The following TYW1B variants were observed in gnomAD, a reference collection of about 807,000 sequenced individuals.
TYW1B encodes the protein tRNA-yW synthesizing protein 1 homolog B.
In TYW1B, 73 loss-of-function variants were observed where a neutral mutation model predicts 86.9. The observed-to-expected ratio is 0.84, with a 90% CI of 0.70 to 1.02. The LOEUF is 1.02. Ranked by LOEUF, TYW1B falls within the 50% of genes least tolerant of loss-of-function variation. The pLI, the probability that TYW1B is intolerant of heterozygous loss-of-function variation, is 0.00. For synonymous variants in TYW1B, 248 were observed against 292.8 expected, an observed-to-expected ratio of 0.85 and a Z score of 1.56; for missense variants, 637 against 827.4, an observed-to-expected ratio of 0.77 and a Z score of 2.82.
At chr7:72,685,739 C>T (rs1261444474) in intron 11 of TYW1B, among the ~76,000 whole-genome samples, 1 of 151,980 alleles carries the variant, frequency 6.6e-6, no homozygotes, top group Non-Finnish European at 1.5e-5. Context: ...TCTAGATGAC[C>T]CTGGATTTGG....
intron 11 of TYW1B, 138 bp downstream of exon 11, chr7:72,694,549 G>A (rs1416587306): frequency 4.8e-6 from 6 of 1,254,786 alleles, no homozygotes; most frequent in Admixed American, 3.5e-5. Context: ...AAAGTTGAAC[G>A]CTATATTTCA....
intron 9 of TYW1B, among the ~76,000 whole-genome samples, chr7:72,720,746 T>C (rs1299692639): frequency 6.6e-6 from 1 of 152,116 alleles, no homozygotes; most frequent in Non-Finnish European, 1.5e-5. Context: ...AGCCTCTAAA[T>C]TTCTTTATTA....
chr7:72,621,836 T>A (rs1812225137), intron 12 of TYW1B, among the ~76,000 whole-genome samples: 1 of 152,242 alleles, frequency 6.6e-6, no homozygotes, highest in Non-Finnish European at 1.5e-5. Context: ...GTAACAGGTA[T>A]GAACCAGCTG....
intron 13 of TYW1B, among the ~76,000 whole-genome samples, chr7:72,614,083 CA>C (rs1242731009): frequency 6.6e-6 from 1 of 151,980 alleles, no homozygotes; most frequent in African/African-American, 2.4e-5. Context: ...AGCAAGAGAA[CA>C]AGCAAATGGC....
chr7:72,616,541 T>C lies in TYW1B; in HGVS notation c.1785+131A>G. ...GCAGACAGAATTTAGTGCTTTCTTA[T>C]TTTTGTTTTGGGAAAGGTAGCAAGC... On this transcript the variant is annotated intron_variant, in intron 13 of 13. Coordinates refer to ENST00000620995, the MANE Select transcript of TYW1B (RefSeq NM_001145440.3). 3 of 1,404,014 alleles carry C rather than the reference T, an allele frequency of 2.1e-6. No homozygotes were observed. The South Asian group carries it at 3.8e-5, about 18-fold the overall frequency. 87.0% of individuals were successfully genotyped at this position (1,404,014 alleles called of 1,614,324 possible). A position where few individuals can be genotyped will look rare whatever the true frequency, so the allele number is the denominator to read the frequency against.
intron 7 of TYW1B, among the ~76,000 whole-genome samples, chr7:72,749,090 A>G (rs1237051131): frequency 6.6e-6 from 1 of 152,198 alleles, no homozygotes; most frequent in Non-Finnish European, 1.5e-5. Context: ...TTTTAATTAC[A>G]AAATCAGTTT....
intron 7 of TYW1B, among the ~76,000 whole-genome samples, chr7:72,755,653 G>A (rs1787574341): frequency 6.6e-6 from 1 of 152,226 alleles, no homozygotes; most frequent in Non-Finnish European, 1.5e-5. Context: ...GACAGAGTGA[G>A]CCTGTCTCAA....
intron 6 of TYW1B, among the ~76,000 whole-genome samples, chr7:72,789,102 A>T (rs1788176551): frequency 6.6e-6 from 1 of 151,916 alleles, no homozygotes; most frequent in African/African-American, 2.4e-5. Context: ...AAGTGCTGAG[A>T]TTACAGGAAT....
intron 11 of TYW1B, among the ~76,000 whole-genome samples, chr7:72,636,978 A>G (rs1229659608): frequency 1.3e-5 from 2 of 152,116 alleles, no homozygotes; most frequent in Non-Finnish European, 2.9e-5. Context: ...GGAGTTTGAG[A>G]CCAGCCTCAC....
intron 6 of TYW1B, among the ~76,000 whole-genome samples, chr7:72,792,055 C>T (rs1389107025): frequency 1.3e-5 from 2 of 152,074 alleles, no homozygotes; most frequent in African/African-American, 4.8e-5. Context: ...TCAGGCCAGG[C>T]GCAGTGGCTC....
At chr7:72,632,408 T>TACGTATATATATAAAATATATAC (rs1563038799) in intron 11 of TYW1B, among the ~76,000 whole-genome samples, 1 of 113,728 alleles carries the variant, frequency 8.8e-6, no homozygotes, top group African/African-American at 4.1e-5. Context: ...ATAATATATA[T>TACGTATATATATAAAATATATAC]ATACATATAT....
chr7:72,634,373 G>T (rs1554440461), intron 11 of TYW1B, among the ~76,000 whole-genome samples: 1 of 139,068 alleles, frequency 7.2e-6, no homozygotes, highest in Non-Finnish European at 1.5e-5. Context: ...TTTTTCTGTA[G>T]AGACAGGCTC....
At chr7:72,621,055 G>C (rs1389182544) in intron 12 of TYW1B, among the ~76,000 whole-genome samples, 1 of 152,174 alleles carries the variant, frequency 6.6e-6, no homozygotes, top group African/African-American at 2.4e-5. Flanking sequence ...GGCTATCTGA[G>C]CGTTCAAACC....
intron 8 of TYW1B, among the ~76,000 whole-genome samples, chr7:72,738,088 CTTTT>C (rs60979976): frequency 7.8e-6 from 1 of 127,934 alleles, no homozygotes; most frequent in African/African-American, 3.0e-5. Context: ...TTCTTTCTTT[CTTTT>C]TTTTTTTTTG....
chr7:72,771,608 T>G (rs782183038), intron 7 of TYW1B, among the ~76,000 whole-genome samples: 1 of 152,024 alleles, frequency 6.6e-6, no homozygotes, highest in Non-Finnish European at 1.5e-5. Flanking sequence ...GCTTCACCCC[T>G]GAGTGGCTCC....
chr7:72,623,126 C>T (rs1353265744), intron 12 of TYW1B, among the ~76,000 whole-genome samples: 4 of 152,172 alleles, frequency 2.6e-5, no homozygotes, highest in African/African-American at 9.7e-5. Context: ...ATGTTAGAAA[C>T]CTTCCTCAAA....
intron 6 of TYW1B, 43 bp from the exon 7 acceptor site, chr7:72,777,576 C>T: frequency 3.1e-6 from 5 of 1,608,610 alleles, no homozygotes; most frequent in African/African-American, 1.3e-5. Flanking sequence ...TGGCAATGTG[C>T]AATGTAAATA....
chr7:72,731,728 G>A (rs538064001), intron 8 of TYW1B, among the ~76,000 whole-genome samples: 13 of 152,246 alleles, frequency 8.5e-5, no homozygotes, highest in African/African-American at 2.9e-4. Flanking sequence ...GGGATCACGA[G>A]GTCAGGAGTT....
intron 10 of TYW1B, among the ~76,000 whole-genome samples, chr7:72,703,779 C>T (rs549799282): frequency 1.3e-5 from 2 of 150,722 alleles, no homozygotes; most frequent in African/African-American, 4.9e-5. Flanking sequence ...CACTTGAATT[C>T]GAAAGGCAGA....
Sources: allele counts gnomAD v4.1 joint callset (sites outside exome capture counted in the v4.1 genomes callset), GRCh38; gene constraint gnomAD v4.1.1; transcripts MANE v1.5; gene names NCBI Gene and HGNC (gene_info 2026-07-23, HGNC 2026-07-21).